Variants in ACOXL observed in about 807,000 individuals in gnomAD.
The protein encoded by ACOXL is acyl-coenzyme A oxidase-like protein.
ACOXL carries 70 observed loss-of-function variants against 71.9 expected under a neutral mutation model. The ratio of observed to expected loss-of-function variants is 0.97; its 90% CI spans 0.80 to 1.19. ACOXL has a LOEUF of 1.19. Ranked by LOEUF, ACOXL falls within the 50% of genes most tolerant of loss-of-function variation. ACOXL has a pLI of 0.00. For missense variants in ACOXL, 703 were observed against 736.3 expected, an observed-to-expected ratio of 0.95 and a Z score of 0.52; for synonymous variants, 253 against 281.6, an observed-to-expected ratio of 0.90 and a Z score of 1.02.
intron 1 of ACOXL, among the ~76,000 whole-genome samples, chr2:110,759,179 T>A (rs1008382853): frequency 6.6e-6 from 1 of 152,206 alleles, no homozygotes; most frequent in East Asian, 1.9e-4. Context: ...GTTCTGTAGA[T>A]ATCTGTCAGG....
intron 12 of ACOXL, among the ~76,000 whole-genome samples, chr2:110,963,297 A>G (rs1025414018): frequency 6.7e-6 from 1 of 150,372 alleles, no homozygotes; most frequent in Non-Finnish European, 1.5e-5. Flanking sequence ...CTTGGCATTT[A>G]TTAGAATTTT....
At chr2:111,090,408 T>C (rs993858265) in intron 16 of ACOXL, among the ~76,000 whole-genome samples, 2 of 152,090 alleles carry the variant, frequency 1.3e-5, no homozygotes, top group Non-Finnish European at 2.9e-5. Flanking sequence ...ACTGGGCTGA[T>C]GGTACCTGTG....
At chr2:110,975,334 C>T (rs961164699) in intron 12 of ACOXL, among the ~76,000 whole-genome samples, 3 of 151,954 alleles carry the variant, frequency 2.0e-5, no homozygotes, top group East Asian at 1.9e-4. Flanking sequence ...CTGGGCACAC[C>T]GTCCACCTAG....
chr2:110,965,994 C>G lies in ACOXL; in HGVS notation c.1060-21114C>G, dbSNP rs373835225. Among the ~76,000 whole-genome samples the G allele has an allele frequency of 5.9e-5, 9 of 152,228 alleles. No homozygotes were observed. In the East Asian group the frequency reaches 1.5e-3, roughly 26 times the overall value. On this transcript the variant is annotated intron_variant, in intron 12 of 17. Transcript: ENST00000439055. Reference sequence around the variant, plus strand: ...ATGACAGAAAATCTTTTTGGTGATACCCATGCTACACCAGCCAGACACAAC... The same window carrying G: ...ATGACAGAAAATCTTTTTGGTGATAGCCATGCTACACCAGCCAGACACAAC...
chr2:110,785,139 C>G (rs1286737077), intron 3 of ACOXL, among the ~76,000 whole-genome samples: 3 of 152,138 alleles, frequency 2.0e-5, no homozygotes, highest in Non-Finnish European at 4.4e-5. Flanking sequence ...AAGATCGATT[C>G]ATATTGTGTG....
intron 15 of ACOXL, among the ~76,000 whole-genome samples, chr2:111,035,184 T>G (rs935984998): frequency 1.3e-5 from 2 of 152,158 alleles, no homozygotes; most frequent in Non-Finnish European, 2.9e-5. Context: ...AGTCTTAATG[T>G]CACCCCAGAT....
intron 11 of ACOXL, among the ~76,000 whole-genome samples, chr2:110,910,890 C>G (rs2059629126): frequency 6.6e-6 from 1 of 152,018 alleles, no homozygotes; most frequent in Non-Finnish European, 1.5e-5. Flanking sequence ...TGGATTTTGC[C>G]TTTTTATTTT....
chr2:110,811,699 G>A (rs1462805499), intron 9 of ACOXL, among the ~76,000 whole-genome samples: 1 of 137,330 alleles, frequency 7.3e-6, no homozygotes, highest in African/African-American at 2.7e-5. Context: ...GTTCTGCTCA[G>A]ACTGACGTTA....
intron 9 of ACOXL, among the ~76,000 whole-genome samples, chr2:110,838,258 GTGTA>G (rs1250250564): frequency 7.2e-5 from 11 of 152,334 alleles, no homozygotes; most frequent in Middle Eastern, 3.4e-3. Context: ...ATGTGGACGA[GTGTA>G]TGTGTGTGTG....
At chr2:111,045,685 TGAGGG>T (rs1381418009) in intron 15 of ACOXL, among the ~76,000 whole-genome samples, 3 of 151,836 alleles carry the variant, frequency 2.0e-5, no homozygotes, top group Admixed American at 6.6e-5. Flanking sequence ...GAGAGTGGGG[TGAGGG>T]GAGAGAGAAA....
chr2:111,079,147 T>G (rs991767484), intron 16 of ACOXL, among the ~76,000 whole-genome samples: 3 of 152,208 alleles, frequency 2.0e-5, no homozygotes, highest in African/African-American at 7.2e-5. Flanking sequence ...ATATATTGCA[T>G]AGTGGTAAAT....
intron 8 of ACOXL, among the ~76,000 whole-genome samples, chr2:110,802,641 A>G (rs925737245): frequency 4.6e-5 from 7 of 152,226 alleles, no homozygotes; most frequent in Non-Finnish European, 8.8e-5. Flanking sequence ...ACAAACTTGT[A>G]CTTGTACCCC....
At chr2:110,795,338 G>C (rs1685162870) in intron 5 of ACOXL, among the ~76,000 whole-genome samples, 1 of 152,104 alleles carries the variant, frequency 6.6e-6, no homozygotes, top group East Asian at 1.9e-4. Context: ...AGCAGCAAAT[G>C]ATGTCCAAGA....
intron 10 of ACOXL, among the ~76,000 whole-genome samples, chr2:110,864,629 C>A (rs1476843043): frequency 6.6e-6 from 1 of 152,242 alleles, no homozygotes; most frequent in East Asian, 1.9e-4. Flanking sequence ...AGACCAAATG[C>A]TCCCTCATTT....
Position 110,977,162 on chromosome 2 carries a change from G to A in ACOXL, c.1060-9946G>A, listed in dbSNP as rs1236194682. ...AGCACTTTGGGAGGCCGAGGTGGGC[G>A]GATCACGAGGTCAGGAGATTGAGAC... On this transcript the variant is annotated intron_variant, in intron 12 of 17. Transcript: ENST00000439055. 2.6e-5 allele frequency among the ~76,000 whole-genome samples: 4 copies of A among 152,042 alleles called. No individual in the cohort carries two copies. In the East Asian group the frequency reaches 5.8e-4, roughly 22 times the overall value.
At chr2:110,779,275 C>G (rs747561500) in intron 2 of ACOXL, among the ~76,000 whole-genome samples, 1 of 152,184 alleles carries the variant, frequency 6.6e-6, no homozygotes, top group Non-Finnish European at 1.5e-5. Flanking sequence ...TGCAGCTGGC[C>G]TACTATGTGG....
chr2:110,921,025 TCAGATTA>T (rs976526490), intron 11 of ACOXL, among the ~76,000 whole-genome samples: 8 of 152,210 alleles, frequency 5.3e-5, no homozygotes, highest in African/African-American at 1.9e-4. Context: ...ATAGGACTTT[TCAGATTA>T]CCTAATTTTT....
intron 16 of ACOXL, among the ~76,000 whole-genome samples, chr2:111,068,331 G>A (rs1165497618): frequency 6.6e-6 from 1 of 152,210 alleles, no homozygotes; most frequent in Non-Finnish European, 1.5e-5. Context: ...GTATGGTGGG[G>A]CTGAGGCTGG....
At chr2:110,957,583 C>T (rs949159164) in intron 12 of ACOXL, among the ~76,000 whole-genome samples, 1 of 152,198 alleles carries the variant, frequency 6.6e-6, no homozygotes, top group East Asian at 1.9e-4. Context: ...CATCTCCTGC[C>T]TGTGTCTTCA....
Sources: gnomAD v4.1 joint callset for allele counts (sites outside exome capture counted in the v4.1 genomes callset) on GRCh38, gnomAD v4.1.1 for gene constraint, MANE v1.5 for transcripts, NCBI Gene and HGNC (gene_info 2026-07-23, HGNC 2026-07-21) for gene names.